PALM2AKAP2: variants seen among roughly 807,000 people sequenced by gnomAD.
The protein encoded by PALM2AKAP2 is PALM2-AKAP2 fusion protein.
PALM2AKAP2 carries 37 observed loss-of-function variants against 71.5 expected under a neutral mutation model. That is an observed-to-expected ratio of 0.52 (90% CI 0.40 to 0.68). The LOEUF is 0.68. Ranked by LOEUF, PALM2AKAP2 falls within the 30% of genes least tolerant of loss-of-function variation. The pLI is 0.00. For missense variants in PALM2AKAP2, 1,224 were observed against 1,191.8 expected (o/e 1.03, Z -0.40); for synonymous variants, 468 against 478.8 (o/e 0.98, Z 0.29).
intron 1 of PALM2AKAP2, among the ~76,000 whole-genome samples, chr9:109,726,316 C>A (rs1446109509): frequency 6.6e-6 from 1 of 152,188 alleles, no homozygotes; most frequent in East Asian, 1.9e-4. Context: ...GCAGCTGATG[C>A]CTTCAGTTTT....
At chr9:110,167,426 A>T (rs989318734) in intron 3 of PALM2AKAP2, among the ~76,000 whole-genome samples, 1 of 152,200 alleles carries the variant, frequency 6.6e-6, no homozygotes, top group South Asian at 2.1e-4. Context: ...GTCATGAAAT[A>T]GAACCATTTT....
chr9:109,656,010 G>A (rs1184913774), intron 1 of PALM2AKAP2, among the ~76,000 whole-genome samples: 2 of 152,180 alleles, frequency 1.3e-5, no homozygotes, highest in East Asian at 3.9e-4. Context: ...TGAGGCTATT[G>A]AGGAAATGGA....
At chr9:110,090,159 A>T (rs540471943) in intron 1 of PALM2AKAP2, 1 of 319,250 alleles carries the variant, frequency 3.1e-6, no homozygotes, top group African/African-American at 2.2e-5. Context: ...GGGCCGGTTC[A>T]CATTGCAGCC....
At chr9:109,901,284 C>T (rs1830325671) in intron 3 of PALM2AKAP2, among the ~76,000 whole-genome samples, 1 of 152,232 alleles carries the variant, frequency 6.6e-6, no homozygotes, top group South Asian at 2.1e-4. Flanking sequence ...TTATTTGGCT[C>T]TTCTCAGCTC....
At chr9:109,923,619 A>T (rs1291804200) in intron 3 of PALM2AKAP2, 116 bp from the exon 4 acceptor site, 6 of 1,110,278 alleles carry the variant, frequency 5.4e-6, no homozygotes, top group Middle Eastern at 4.6e-4. Context: ...TCCTCAGCGT[A>T]ATGTAAAACA....
intron 1 of PALM2AKAP2, among the ~76,000 whole-genome samples, chr9:109,817,987 A>G (rs1025536526): frequency 4.6e-5 from 7 of 152,226 alleles, no homozygotes; most frequent in African/African-American, 1.4e-4. Context: ...GACTTCATTC[A>G]TAGAAATGCG....
intron 6 of PALM2AKAP2, among the ~76,000 whole-genome samples, chr9:109,940,407 G>A (rs957352604): frequency 6.6e-6 from 1 of 152,134 alleles, no homozygotes; most frequent in African/African-American, 2.4e-5. Context: ...TGACCTTGGC[G>A]TTAATCAATG....
At chr9:109,817,155 A>G (rs1438506320) in intron 1 of PALM2AKAP2, among the ~76,000 whole-genome samples, 2 of 152,236 alleles carry the variant, frequency 1.3e-5, no homozygotes, top group Non-Finnish European at 2.9e-5. Context: ...TTATAAGTCT[A>G]TTGGTTAATG....
At chr9:110,016,148 A>G in intron 7 of PALM2AKAP2, 109 bp downstream of exon 7, 4 of 1,064,316 alleles carry the variant, frequency 3.8e-6, no homozygotes, top group Non-Finnish European at 5.6e-6. Context: ...ACCTTGCTAG[A>G]GTTCTCTCTC....
At chr9:109,819,796 C>T (rs550619936) in intron 1 of PALM2AKAP2, among the ~76,000 whole-genome samples, 1 of 151,704 alleles carries the variant, frequency 6.6e-6, no homozygotes, top group East Asian at 1.9e-4. Context: ...GATCAGCCAC[C>T]CTGAGTTGAA....
chr9:109,686,678 T>C (rs1827809674), intron 1 of PALM2AKAP2, among the ~76,000 whole-genome samples: 1 of 152,130 alleles, frequency 6.6e-6, no homozygotes, highest in Admixed American at 6.6e-5. Context: ...ACCTTTGCAA[T>C]TTATTTTTTT....
chr9:109,786,458 C>T (rs994802467), intron 1 of PALM2AKAP2, among the ~76,000 whole-genome samples: 9 of 152,214 alleles, frequency 5.9e-5, no homozygotes, highest in Admixed American at 6.5e-5. Flanking sequence ...CCTGGTCATT[C>T]ATCTGTTATC....
chr9:110,130,716 C>T (rs182989481), intron 1 of PALM2AKAP2, among the ~76,000 whole-genome samples: 17 of 152,226 alleles, frequency 1.1e-4, no homozygotes, highest in Admixed American at 1.0e-3. Flanking sequence ...GGTAAGCAAC[C>T]GAAGTCCCCT....
At chr9:109,700,714 A>G (rs995290153) in intron 1 of PALM2AKAP2, among the ~76,000 whole-genome samples, 1 of 152,120 alleles carries the variant, frequency 6.6e-6, no homozygotes, top group Non-Finnish European at 1.5e-5. Flanking sequence ...ATCCTCCCCA[A>G]ATATTTATTT....
intron 6 of PALM2AKAP2, among the ~76,000 whole-genome samples, chr9:110,004,685 G>T (rs576939090): frequency 6.6e-6 from 1 of 152,188 alleles, no homozygotes; most frequent in African/African-American, 2.4e-5. Context: ...TGTAGATTTG[G>T]TCTTTTCACA....
chr9:109,715,021 G>T (rs1828295530), intron 1 of PALM2AKAP2, among the ~76,000 whole-genome samples: 1 of 152,116 alleles, frequency 6.6e-6, no homozygotes, highest in Non-Finnish European at 1.5e-5. Flanking sequence ...TCCCATCTGG[G>T]CATCTGCTTT....
intron 1 of PALM2AKAP2, among the ~76,000 whole-genome samples, chr9:109,706,277 G>A (rs1032412931): frequency 3.3e-5 from 5 of 152,198 alleles, no homozygotes; most frequent in Non-Finnish European, 7.4e-5. Flanking sequence ...TAATAATGAT[G>A]ATGATGGTAG....
At chr9:109,659,597 C>T (rs1485440985) in intron 1 of PALM2AKAP2, among the ~76,000 whole-genome samples, 2 of 152,038 alleles carry the variant, frequency 1.3e-5, no homozygotes, top group African/African-American at 4.8e-5. Flanking sequence ...ATCAGTATTC[C>T]AGGTCTTTTA....
intron 1 of PALM2AKAP2, among the ~76,000 whole-genome samples, chr9:110,119,340 T>TGAA (rs1564315303): frequency 4.7e-5 from 4 of 84,800 alleles, no homozygotes; most frequent in Non-Finnish European, 4.4e-5. Context: ...AGACTCCATC[T>TGAA]CAAAAAAAAA....
Sources: gnomAD v4.1 joint callset for allele counts (sites outside exome capture counted in the v4.1 genomes callset) on GRCh38, gnomAD v4.1.1 for gene constraint, MANE v1.5 for transcripts, NCBI Gene and HGNC (gene_info 2026-07-23, HGNC 2026-07-21) for gene names.